The following TENM3 variants were observed in gnomAD, a reference collection of about 807,000 sequenced individuals.
TENM3 encodes the protein teneurin transmembrane protein 3, also known as teneurin-3.
TENM3 carries 63 observed loss-of-function variants against 255.1 expected under a neutral mutation model. The observed-to-expected ratio is 0.25, with a 90% CI of 0.20 to 0.30. The LOEUF (loss-of-function observed/expected upper bound fraction) is 0.30. Ranked by LOEUF, TENM3 falls within the 10% of genes least tolerant of loss-of-function variation. The pLI is 1.00. For missense variants in TENM3, 2,929 were observed against 3,461.1 expected (o/e 0.85, Z 3.86); for synonymous variants, 1,306 against 1,322.3 (o/e 0.99, Z 0.27).
chr4:182,095,548 GT>G, the TENM3 span, among the ~76,000 whole-genome samples: 1 of 152,182 alleles, frequency 6.6e-6, no homozygotes, highest in African/African-American at 2.4e-5. Flanking sequence ...GGGAAGGGTA[GT>G]GGGGAGGGGA....
chr4:181,476,579 T>TTTCCCTGCACAGCATGCAATAATC, the TENM3 span, among the ~76,000 whole-genome samples: 3 of 152,144 alleles, frequency 2.0e-5, no homozygotes, highest in Non-Finnish European at 2.9e-5. Flanking sequence ...CAGCATTAAT[T>TTTCCCTGCACAGCATGCAATAATC]TTCCCTGCAC....
the TENM3 span, among the ~76,000 whole-genome samples, chr4:181,742,660 T>C: frequency 2.6e-4 from 39 of 151,790 alleles, no homozygotes; most frequent in South Asian, 8.3e-4. Context: ...TTTTTTTTGC[T>C]GTTTTATTTA....
chr4:181,839,162 CAT>C, the TENM3 span, among the ~76,000 whole-genome samples: 5 of 150,178 alleles, frequency 3.3e-5, no homozygotes, highest in African/African-American at 9.7e-5. Flanking sequence ...AATTTCTAAA[CAT>C]ATGGGAAAGT....
the TENM3 span, among the ~76,000 whole-genome samples, chr4:181,832,357 A>C: frequency 6.6e-6 from 1 of 152,230 alleles, no homozygotes; most frequent in Non-Finnish European, 1.5e-5. Context: ...AATATGCAAC[A>C]GCTGGGTTTC....
intron 3 of TENM3, among the ~76,000 whole-genome samples, chr4:182,459,569 G>A (rs1774168496): frequency 6.6e-6 from 1 of 152,034 alleles, no homozygotes; most frequent in Non-Finnish European, 1.5e-5. Context: ...ATGATAATAT[G>A]TTTGATTTCT....
the TENM3 span, among the ~76,000 whole-genome samples, chr4:181,562,563 G>GT: frequency 6.6e-6 from 1 of 151,676 alleles, no homozygotes; most frequent in East Asian, 1.9e-4. Flanking sequence ...CTCTATTTTA[G>GT]TTTTTTTTCT....
intron 1 of TENM3, among the ~76,000 whole-genome samples, chr4:182,316,452 C>T (rs1329562480): frequency 6.6e-6 from 1 of 151,864 alleles, no homozygotes; most frequent in Non-Finnish European, 1.5e-5. Context: ...ATTCAGTGGT[C>T]CTTTAGAGGC....
intron 3 of TENM3, among the ~76,000 whole-genome samples, chr4:182,498,591 C>T (rs924191126): frequency 6.6e-6 from 1 of 151,860 alleles, no homozygotes; most frequent in African/African-American, 2.4e-5. Flanking sequence ...TGGTGTCTCA[C>T]GCCTGTAATC....
intron 22 of TENM3, among the ~76,000 whole-genome samples, chr4:182,764,280 G>A (rs1388595646): frequency 6.6e-6 from 1 of 152,180 alleles, no homozygotes; most frequent in Non-Finnish European, 1.5e-5. Context: ...ATTCACTCAT[G>A]TGCTCATTCA....
intron 24 of TENM3, among the ~76,000 whole-genome samples, chr4:182,782,815 T>C (rs1382503316): frequency 1.5e-5 from 2 of 135,238 alleles, no homozygotes; most frequent in African/African-American, 5.6e-5. Context: ...TGTAATGGCC[T>C]TCTTTGTCTC....
the TENM3 span, chr4:181,975,037 T>C: frequency 0.08 from 12,231 of 152,244 alleles, 680 homozygotes; most frequent in Non-Finnish European, 0.12. Flanking sequence ...TATTTGATCT[T>C]CTGCTGATGA....
chr4:181,560,675 C>T, the TENM3 span, among the ~76,000 whole-genome samples: 3 of 152,118 alleles, frequency 2.0e-5, no homozygotes, highest in African/African-American at 7.2e-5. Flanking sequence ...TCCACATCAG[C>T]AGCACAACTG....
chr4:181,461,769 C>T, the TENM3 span, among the ~76,000 whole-genome samples: 1 of 152,006 alleles, frequency 6.6e-6, no homozygotes, highest in Non-Finnish European at 1.5e-5. Flanking sequence ...CTTCAACATC[C>T]TTGAGTATCT....
chr4:181,878,966 C>A, the TENM3 span, among the ~76,000 whole-genome samples: 4 of 152,264 alleles, frequency 2.6e-5, no homozygotes, highest in South Asian at 8.3e-4. Context: ...CATTTCTCAT[C>A]TAGTGGAAGG....
At chr4:181,907,646 G>A in the TENM3 span, among the ~76,000 whole-genome samples, 1 of 152,048 alleles carries the variant, frequency 6.6e-6, no homozygotes, top group Non-Finnish European at 1.5e-5. Context: ...CCTAAGGAAG[G>A]AAGGAAAGAC....
chr4:182,424,601 G>A (rs984371388), intron 3 of TENM3, among the ~76,000 whole-genome samples: 1 of 151,902 alleles, frequency 6.6e-6, no homozygotes, highest in Non-Finnish European at 1.5e-5. Context: ...CATCAACCTT[G>A]CCACCATTTA....
At chr4:181,722,626 T>C in the TENM3 span, among the ~76,000 whole-genome samples, 1 of 152,132 alleles carries the variant, frequency 6.6e-6, no homozygotes, top group Non-Finnish European at 1.5e-5. Flanking sequence ...ACATGGAAAA[T>C]ACAGAAAAGC....
chr4:181,599,450 T>C, the TENM3 span, among the ~76,000 whole-genome samples: 305 of 152,356 alleles, frequency 2.0e-3, no homozygotes, highest in African/African-American at 6.8e-3. Flanking sequence ...TCCAGTTCTT[T>C]GTTACAGGCA....
chr4:181,577,166 ATATATTATAT>A, the TENM3 span, among the ~76,000 whole-genome samples: 1 of 132,826 alleles, frequency 7.5e-6, no homozygotes, highest in Non-Finnish European at 1.6e-5. Context: ...TATAAATAAT[ATATATTATAT>A]TATATTATAT....
Sources: allele counts gnomAD v4.1 joint callset (sites outside exome capture counted in the v4.1 genomes callset), GRCh38; gene constraint gnomAD v4.1.1; transcripts MANE v1.5; gene names NCBI Gene and HGNC (gene_info 2026-07-23, HGNC 2026-07-21).